RACGAP1: variants seen among roughly 807,000 people sequenced by gnomAD.
The protein encoded by RACGAP1 is Rac GTPase activating protein 1, also known as rac GTPase-activating protein 1.
In RACGAP1, 30 loss-of-function variants were observed where a neutral mutation model predicts 78.1. That is an observed-to-expected ratio of 0.38 (90% CI 0.29 to 0.52). The LOEUF (loss-of-function observed/expected upper bound fraction) is 0.52. Among genes scored for constraint, RACGAP1 ranks in the 20% least tolerant of loss-of-function variants. The probability of loss-of-function intolerance (pLI) is 0.82; values close to 1 mark genes in which losing one functional copy is unlikely to be tolerated. For missense variants in RACGAP1, 587 were observed against 777.1 expected (o/e 0.76, Z 2.91); for synonymous variants, 231 against 264.8 (o/e 0.87, Z 1.24).
intron 1 of RACGAP1, among the ~76,000 whole-genome samples, chr12:50,021,595 T>C (rs750669346): frequency 6.6e-6 from 1 of 152,184 alleles, no homozygotes; most frequent in Non-Finnish European, 1.5e-5. Flanking sequence ...GTCTCTATCC[T>C]CTTCTTCCTC....
chr12:49,991,556 C>T (rs1292767964), intron 15 of RACGAP1, among the ~76,000 whole-genome samples: 8 of 133,666 alleles, frequency 6.0e-5, no homozygotes, highest in Non-Finnish European at 3.1e-5. Flanking sequence ...GGCGGGATCT[C>T]AGCTCACTGC....
chr12:50,019,543 G>A (rs975292957), intron 1 of RACGAP1, among the ~76,000 whole-genome samples: 1 of 152,038 alleles, frequency 6.6e-6, no homozygotes, highest in Non-Finnish European at 1.5e-5. Context: ...AAAAAGAACA[G>A]TTAAAAGCGG....
chr12:49,998,231 C>T (rs1262501223), intron 9 of RACGAP1, among the ~76,000 whole-genome samples: 1 of 151,616 alleles, frequency 6.6e-6, no homozygotes, highest in African/African-American at 2.4e-5. Context: ...GGTGAAACCC[C>T]ATCTCTACTA....
At chr12:50,003,320 T>C (rs1948796313) in intron 5 of RACGAP1, among the ~76,000 whole-genome samples, 1 of 152,174 alleles carries the variant, frequency 6.6e-6, no homozygotes, top group Non-Finnish European at 1.5e-5. Context: ...TTACAAGAAA[T>C]ATCGTATCAT....
chr12:50,008,998 C>T (rs571028690), intron 2 of RACGAP1, among the ~76,000 whole-genome samples: 1 of 152,008 alleles, frequency 6.6e-6, no homozygotes, highest in South Asian at 2.1e-4. Context: ...AAATTCAGGC[C>T]GGGCACGGTG....
intron 1 of RACGAP1, among the ~76,000 whole-genome samples, chr12:50,020,401 C>A (rs1190359741): frequency 6.6e-6 from 1 of 151,398 alleles, no homozygotes; most frequent in Non-Finnish European, 1.5e-5. Flanking sequence ...TCAGGCTGGT[C>A]TCGAACTCCT....
intron 7 of RACGAP1, among the ~76,000 whole-genome samples, chr12:50,000,069 A>G (rs1397919295): frequency 7.4e-6 from 1 of 134,862 alleles, no homozygotes; most frequent in African/African-American, 2.8e-5. Context: ...GCTGGAGTAC[A>G]GTGGCCCAAT....
intron 3 of RACGAP1, among the ~76,000 whole-genome samples, chr12:50,005,681 T>C (rs1948932800): frequency 6.6e-6 from 1 of 152,154 alleles, no homozygotes; most frequent in Non-Finnish European, 1.5e-5. Context: ...AGTCCCAAAA[T>C]AGATTTCACA....
At chr12:49,994,032 ACT>A (rs572554011) in intron 12 of RACGAP1, 97 bp downstream of exon 12, 580 of 1,183,704 alleles carry the variant, frequency 4.9e-4, no homozygotes, top group Admixed American at 3.8e-3. Context: ...CGAGAGTGAG[ACT>A]CTGTCTAAAA....
intron 2 of RACGAP1, among the ~76,000 whole-genome samples, chr12:50,015,153 T>C (rs572010864): frequency 6.6e-6 from 1 of 152,054 alleles, no homozygotes; most frequent in African/African-American, 2.4e-5. Flanking sequence ...GTGCTAAGAT[T>C]ACAAGCATGA....
upstream of RACGAP1, chr12:50,025,578 T>C (rs1475826314): frequency 1.0e-6 from 1 of 979,810 alleles, no homozygotes; most frequent in Non-Finnish European, 1.2e-6. Flanking sequence ...CACGCGGAGG[T>C]GACGGGAACG....
intron 1 of RACGAP1, 124 bp downstream of exon 1, chr12:50,025,274 C>G (rs1442064869): frequency 2.0e-6 from 2 of 981,414 alleles, no homozygotes; most frequent in Non-Finnish European, 2.4e-6. Flanking sequence ...GCTGTGGCTG[C>G]CAGCCTGTCC....
In RACGAP1 at chr12:50,002,240, T is replaced by C; in HGVS notation, c.549+7A>G. ...TTTTAAAAAAAGACTAAACAAATCA[T>C]ACATACCCTCTTTTCTCTCTTCTTC... On this transcript the variant is annotated splice_region_variant and intron_variant, in intron 6 of 16. Transcript: ENST00000312377. 6.2e-7 allele frequency: 1 copy of C among 1,612,330 alleles called. No homozygotes were observed. The highest frequency in any genetic ancestry group is 1.3e-5 in the African/African-American group (1 of 74,930).
At position 50,025,416 on chromosome 12, in the gene RACGAP1, A is replaced by C; in HGVS notation, c.-23T>G. The C allele has an allele frequency of 7.1e-6, 7 of 985,644 alleles. No homozygotes were observed. The highest frequency in any genetic ancestry group is 8.4e-6 in the Non-Finnish European group (7 of 830,158). 61.1% of individuals were successfully genotyped at this position (985,644 alleles called of 1,614,324 possible). A position where few individuals can be genotyped will look rare whatever the true frequency, so the allele number is the denominator to read the frequency against. On this transcript the variant is annotated 5_prime_UTR_variant, in exon 1 of 17. Transcript: ENST00000312377. ...TACTCACTTCAGTCAGCCTGGCCCCACCTGGGCCACCCTTCACTTCGCTCC... is the reference window on the plus strand; with the variant it reads ...TACTCACTTCAGTCAGCCTGGCCCCCCCTGGGCCACCCTTCACTTCGCTCC...
intron 1 of RACGAP1, among the ~76,000 whole-genome samples, chr12:50,019,155 C>A (rs1033307730): frequency 6.6e-6 from 1 of 152,128 alleles, no homozygotes; most frequent in Non-Finnish European, 1.5e-5. Context: ...ACCTTGTGTA[C>A]TCTTCTCTCA....
chr12:50,002,148 C>CTAGAGCAACATGACAGGAATGCAG, intron 6 of RACGAP1, 99 bp downstream of exon 6: 1 of 832,018 alleles, frequency 1.2e-6, no homozygotes, highest in Non-Finnish European at 2.0e-6. Flanking sequence ...TTAACAATGG[C>CTAGAGCAACATGACAGGAATGCAG]TAGAGCAACA....
At chr12:50,003,836 TC>T (rs891915858) in intron 5 of RACGAP1, among the ~76,000 whole-genome samples, 1 of 152,204 alleles carries the variant, frequency 6.6e-6, no homozygotes, top group African/African-American at 2.4e-5. Flanking sequence ...GACTATGCTT[TC>T]CCCAAGAACC....
At chr12:50,015,863 G>A (rs934748941) in intron 2 of RACGAP1, among the ~76,000 whole-genome samples, 1 of 151,174 alleles carries the variant, frequency 6.6e-6, no homozygotes, top group Admixed American at 6.6e-5. Flanking sequence ...GCTGGGCATG[G>A]TGGCGCAACC....
At chr12:50,024,265 C>G (rs1431782400) in intron 1 of RACGAP1, among the ~76,000 whole-genome samples, 1 of 152,026 alleles carries the variant, frequency 6.6e-6, no homozygotes, top group African/African-American at 2.4e-5. Context: ...AAGTGTTCAT[C>G]AACGAAGGAT....
Sources: gnomAD v4.1 joint callset for allele counts (sites outside exome capture counted in the v4.1 genomes callset) on GRCh38, gnomAD v4.1.1 for gene constraint, MANE v1.5 for transcripts, NCBI Gene and HGNC (gene_info 2026-07-23, HGNC 2026-07-21) for gene names.